The following THRB variants were observed in gnomAD, a reference collection of about 807,000 sequenced individuals.
THRB encodes the protein nuclear receptor subfamily 1 group A member 2.
In THRB, 12 loss-of-function variants were observed where a neutral mutation model predicts 47.8. The ratio of observed to expected loss-of-function variants is 0.25; its 90% CI spans 0.16 to 0.41. THRB has a LOEUF of 0.41. THRB is among the 10% of genes least tolerant of loss of function. THRB has a pLI of 1.00. For synonymous variants in THRB, 218 were observed against 212.2 expected (o/e 1.03, Z -0.24); for missense variants, 348 against 589.2 (o/e 0.59, Z 4.24).
intron 4 of THRB, among the ~76,000 whole-genome samples, chr3:24,218,340 C>T (rs868613343): frequency 1.2e-3 from 141 of 117,278 alleles, no homozygotes; most frequent in African/African-American, 4.4e-3. Context: ...CTCTCTCTCT[C>T]TCTTTTTTTT....
intron 1 of THRB, among the ~76,000 whole-genome samples, chr3:24,367,598 C>T (rs775387038): frequency 2.3e-4 from 35 of 152,080 alleles, no homozygotes; most frequent in Non-Finnish European, 4.1e-4. Flanking sequence ...TGCTTGAGTT[C>T]CTGTTTTCAA....
intron 1 of THRB, among the ~76,000 whole-genome samples, chr3:24,489,822 C>T (rs193251630): frequency 3.3e-5 from 5 of 150,740 alleles, no homozygotes; most frequent in East Asian, 3.9e-4. Flanking sequence ...TTTGGATACT[C>T]CCCCCCACTT....
At chr3:24,254,101 C>T (rs58819617) in intron 3 of THRB, among the ~76,000 whole-genome samples, 9,637 of 149,606 alleles carry the variant, frequency 0.064, 708 homozygotes, top group African/African-American at 0.18. Context: ...TGGTGGCTCA[C>T]GCCTGTAATC....
intron 3 of THRB, among the ~76,000 whole-genome samples, chr3:24,284,133 A>G (rs2054957034): frequency 6.7e-6 from 1 of 148,422 alleles, no homozygotes; most frequent in South Asian, 2.2e-4. Flanking sequence ...GTCAATCCTG[A>G]GCCAAAAGAA....
chr3:24,325,697 AAGG>A (rs1224947355), intron 2 of THRB, among the ~76,000 whole-genome samples: 1 of 152,192 alleles, frequency 6.6e-6, no homozygotes, highest in Non-Finnish European at 1.5e-5. Context: ...TAAAAAAAGC[AAGG>A]AGAACACTTG....
intron 3 of THRB, among the ~76,000 whole-genome samples, chr3:24,289,217 G>T (rs920739089): frequency 6.6e-6 from 1 of 152,130 alleles, no homozygotes; most frequent in African/African-American, 2.4e-5. Context: ...AATGAAACAC[G>T]TAGGATTTAA....
intron 3 of THRB, among the ~76,000 whole-genome samples, chr3:24,282,958 A>G (rs185701557): frequency 6.6e-6 from 1 of 151,960 alleles, no homozygotes; most frequent in African/African-American, 2.4e-5. Flanking sequence ...TTACCAACGA[A>G]AGAGTCCAGG....
intron 3 of THRB, among the ~76,000 whole-genome samples, chr3:24,253,585 C>G (rs2050888946): frequency 6.6e-6 from 1 of 152,152 alleles, no homozygotes; most frequent in Non-Finnish European, 1.5e-5. Flanking sequence ...CTCTTTCATA[C>G]AGGAGGCAGC....
At chr3:24,445,166 T>C (rs2071945440) in intron 1 of THRB, among the ~76,000 whole-genome samples, 1 of 152,102 alleles carries the variant, frequency 6.6e-6, no homozygotes, top group Non-Finnish European at 1.5e-5. Context: ...AGAGCACTTA[T>C]TTAATAAATG....
chr3:24,487,431 T>A (rs1697476612), intron 1 of THRB, among the ~76,000 whole-genome samples: 1 of 152,112 alleles, frequency 6.6e-6, no homozygotes, highest in African/African-American at 2.4e-5. Flanking sequence ...ACATTTATAA[T>A]GCATGCTAGT....
In THRB at chr3:24,279,751, C is replaced by T. The variant is rs2054344172; in HGVS notation, c.-43+17475G>A. Among the ~76,000 whole-genome samples the T allele has an allele frequency of 2.6e-5, 4 of 152,040 alleles. No individual in the cohort carries two copies. The South Asian group carries it at 8.3e-4, about 32-fold the overall frequency. Reference sequence around the variant, plus strand: ...TCACTTCAAAACTCTGTATTTCATCCTCACATTGCCTTGTAAGACAGTAAT... The same window carrying T: ...TCACTTCAAAACTCTGTATTTCATCTTCACATTGCCTTGTAAGACAGTAAT... On this transcript the variant is annotated intron_variant, in intron 3 of 10. Transcript: ENST00000646209.
chr3:24,278,699 A>T (rs994649917), intron 3 of THRB, among the ~76,000 whole-genome samples: 2 of 152,230 alleles, frequency 1.3e-5, no homozygotes, highest in African/African-American at 4.8e-5. Context: ...AACTGTTTCC[A>T]GATTTTTAAC....
In THRB at chr3:24,215,299, G is replaced by A. The variant is rs554937094; in HGVS notation, c.22+13639C>T. On this transcript the variant is annotated intron_variant, in intron 4 of 10. Coordinates refer to ENST00000646209, the MANE Select transcript of THRB (RefSeq NM_001354712.2). The stretch of plus-strand genomic sequence containing the variant: ...TTAATTAATTCACACCACAACTCTA[G>A]GATGCTATCTGCCCCCATTTTACAA... Among the ~76,000 whole-genome samples the A allele has an allele frequency of 3.3e-4, 51 of 152,272 alleles. 1 individual carries two copies. The South Asian group carries it at 0.01, about 30-fold the overall frequency.
chr3:24,261,329 C>T (rs1378116189), intron 3 of THRB, among the ~76,000 whole-genome samples: 1 of 151,884 alleles, frequency 6.6e-6, no homozygotes, highest in Middle Eastern at 3.4e-3. Flanking sequence ...GGTGAAACCC[C>T]GTCTACTAAA....
rs2031393809 is a variant in THRB, at chr3:24,120,071, G to A, written c.*2813C>T. On this transcript the variant is annotated 3_prime_UTR_variant, in exon 11 of 11. Transcript: ENST00000646209. ...AAGTCTGGACAATAGATGAAAAAAT[G>A]TTTAGAAAAATCTAGAGCAAATCCC... 1 of 152,210 alleles carries A rather than the reference G, an allele frequency of 6.6e-6. No homozygotes were observed. The highest frequency in any genetic ancestry group is 1.5e-5 in the Non-Finnish European group (1 of 68,038). The allele number at this position is 152,210 out of a possible 1,614,324, so 9.4% of individuals were successfully genotyped here. A position where few individuals can be genotyped will look rare whatever the true frequency, so the allele number is the denominator to read the frequency against.
At chr3:24,410,111 T>C (rs1010987716) in intron 1 of THRB, among the ~76,000 whole-genome samples, 1 of 151,832 alleles carries the variant, frequency 6.6e-6, no homozygotes, top group Non-Finnish European at 1.5e-5. Flanking sequence ...GCTGGTAAAA[T>C]TCCTATGCCT....
chr3:24,270,047 A>G (rs978184728), intron 3 of THRB, among the ~76,000 whole-genome samples: 1 of 152,214 alleles, frequency 6.6e-6, no homozygotes. Flanking sequence ...AGATTGGGAA[A>G]TAAACTTTTT....
chr3:24,341,593 C>T (rs567222719), intron 1 of THRB, among the ~76,000 whole-genome samples: 1 of 152,164 alleles, frequency 6.6e-6, no homozygotes, highest in Non-Finnish European at 1.5e-5. Context: ...ATACTTTACC[C>T]CTCCCTGCAT....
intron 1 of THRB, among the ~76,000 whole-genome samples, chr3:24,487,004 T>C (rs1697398827): frequency 6.6e-6 from 1 of 152,180 alleles, no homozygotes; most frequent in African/African-American, 2.4e-5. Context: ...TATAAATTAA[T>C]ACACCTAAAC....
Sources: allele counts gnomAD v4.1 joint callset (sites outside exome capture counted in the v4.1 genomes callset), GRCh38; gene constraint gnomAD v4.1.1; transcripts MANE v1.5; gene names NCBI Gene and HGNC (gene_info 2026-07-23, HGNC 2026-07-21).